BACH2: variants seen among roughly 807,000 people sequenced by gnomAD.
BACH2 encodes the protein transcription regulator protein BACH2.
In BACH2, 5 loss-of-function variants were observed where a neutral mutation model predicts 61.8. The observed-to-expected ratio is 0.08, with a 90% CI of 0.04 to 0.17. BACH2 has a LOEUF of 0.17. Among genes scored for constraint, BACH2 ranks in the 10% least tolerant of loss-of-function variants. The pLI, the probability that BACH2 is intolerant of heterozygous loss-of-function variation, is 1.00. For missense variants in BACH2, 824 were observed against 1,091.1 expected (o/e 0.76, Z 3.45); for synonymous variants, 446 against 440.1 (o/e 1.01, Z -0.17).
At chr6:90,220,469 C>T (rs1769702197) in intron 3 of BACH2, among the ~76,000 whole-genome samples, 1 of 152,184 alleles carries the variant, frequency 6.6e-6, no homozygotes, top group African/African-American at 2.4e-5. Flanking sequence ...GAGGATTTGT[C>T]AGGGGAGGAC....
At position 90,101,422 on chromosome 6, in the gene BACH2, A is replaced by AT. The variant is rs570404781; in HGVS notation, c.-161-12314_-161-12313insA. Reference sequence around the variant, plus strand: ...TTGAGTTAATTTTTGTATATGGTGTAAGGTATAAGTCCAAGTTCATTCTTC... The same window carrying AT: ...TTGAGTTAATTTTTGTATATGGTGTATAGGTATAAGTCCAAGTTCATTCTTC... On this transcript the variant is annotated intron_variant, in intron 4 of 8. Coordinates refer to ENST00000257749, the MANE Select transcript of BACH2 (RefSeq NM_021813.4). Among the ~76,000 whole-genome samples, 15 of 152,282 alleles carry AT rather than the reference A, an allele frequency of 9.9e-5. No individual in the cohort carries two copies. In the East Asian group the frequency reaches 2.7e-3, roughly 27 times the overall value.
chr6:89,953,490 G>A (rs1009586905), intron 6 of BACH2, among the ~76,000 whole-genome samples: 1 of 152,074 alleles, frequency 6.6e-6, no homozygotes, highest in Non-Finnish European at 1.5e-5. Context: ...AAAACAAAAA[G>A]CCATGACTGC....
chr6:89,945,589 C>T (rs1490011580), intron 7 of BACH2, among the ~76,000 whole-genome samples: 2 of 152,046 alleles, frequency 1.3e-5, no homozygotes, highest in Non-Finnish European at 2.9e-5. Context: ...TACAGCATTT[C>T]CTTTTAGGGT....
At position 89,950,389 on chromosome 6, in the gene BACH2, T is replaced by G; in HGVS notation, c.1717A>C (p.Asn573His). 1 of 1,614,150 alleles carries G rather than the reference T, an allele frequency of 6.2e-7. No homozygotes were observed. The highest frequency in any genetic ancestry group is 8.5e-7 in the Non-Finnish European group (1 of 1,180,028). ...CATTTAATTTGGGGCCGCACTTGGT[T>G]GTACATTCCATCTCCCATCAGGCCT... ...EPGLMGDGMY[N>H]QVRPQIKCEQ... Residue 573 changes from asparagine to histidine, a missense_variant, in exon 7 of 9, where the codon AAC (asparagine) becomes CAC (histidine). This residue lies in a region of BACH2 where 160 missense variants were observed against 283.5 expected (regional missense o/e 0.56). Transcript: ENST00000257749. The surrounding 1 kb of genome is among the most constrained non-coding windows in gnomAD (Gnocchi z 5.3).
At chr6:90,206,501 T>C (rs1213214255) in intron 4 of BACH2, 68 bp downstream of exon 4, 1 of 152,310 alleles carries the variant, frequency 6.6e-6, no homozygotes, top group Non-Finnish European at 1.5e-5. Flanking sequence ...TGGAAAGACA[T>C]ATGTACTCCA....
intron 4 of BACH2, among the ~76,000 whole-genome samples, chr6:90,100,931 C>A (rs952431284): frequency 6.6e-6 from 1 of 152,166 alleles, no homozygotes; most frequent in Non-Finnish European, 1.5e-5. Flanking sequence ...GTCTTTTAGA[C>A]TTTAACCATC....
chr6:89,957,391 A>G (rs1336481613), intron 6 of BACH2, among the ~76,000 whole-genome samples: 2 of 152,174 alleles, frequency 1.3e-5, no homozygotes, highest in South Asian at 2.1e-4. Flanking sequence ...TTTTAGTATT[A>G]ATTTTTATTT....
intron 2 of BACH2, among the ~76,000 whole-genome samples, chr6:90,267,666 C>T (rs980683542): frequency 4.6e-5 from 7 of 152,064 alleles, no homozygotes; most frequent in Admixed American, 3.9e-4. Flanking sequence ...ATTGAATAAA[C>T]TATGGTACAA....
intron 4 of BACH2, among the ~76,000 whole-genome samples, chr6:90,151,420 T>C (rs1394262888): frequency 6.6e-6 from 1 of 152,110 alleles, no homozygotes; most frequent in African/African-American, 2.4e-5. Context: ...GAGTAGCTTG[T>C]ACTGCAGGCA....
At chr6:89,990,014 G>T (rs1776458210) in intron 6 of BACH2, among the ~76,000 whole-genome samples, 1 of 152,130 alleles carries the variant, frequency 6.6e-6, no homozygotes, top group South Asian at 2.1e-4. Flanking sequence ...GGGATCACTG[G>T]CAAAAAATGT....
intron 3 of BACH2, among the ~76,000 whole-genome samples, chr6:90,251,354 G>T (rs915081461): frequency 1.3e-5 from 2 of 152,070 alleles, no homozygotes; most frequent in African/African-American, 4.8e-5. Context: ...CGTTCAGGGT[G>T]GTGTGGCCAT....
chr6:90,215,358 C>G (rs993818730), intron 3 of BACH2, among the ~76,000 whole-genome samples: 1 of 152,124 alleles, frequency 6.6e-6, no homozygotes, highest in Admixed American at 6.5e-5. Context: ...CTTCTTGCCC[C>G]CCTTTCACAA....
At chr6:90,102,839 T>TAATAATA (rs751278080) in intron 4 of BACH2, among the ~76,000 whole-genome samples, 10 of 122,218 alleles carry the variant, frequency 8.2e-5, no homozygotes, top group Middle Eastern at 4.3e-3. Context: ...ATAATAATAA[T>TAATAATA]AAAAATAAAA....
chr6:90,054,532 C>G (rs1780224432), intron 5 of BACH2, among the ~76,000 whole-genome samples: 4 of 152,350 alleles, frequency 2.6e-5, no homozygotes, highest in Middle Eastern at 6.8e-3. Context: ...CCTCTGTAGG[C>G]TCCACCTCTG....
chr6:90,000,214 C>T (rs1469467404), intron 6 of BACH2, among the ~76,000 whole-genome samples: 1 of 152,208 alleles, frequency 6.6e-6, no homozygotes, highest in Non-Finnish European at 1.5e-5. Flanking sequence ...TTCTGTGGCG[C>T]TGCCTTACCG....
intron 5 of BACH2, among the ~76,000 whole-genome samples, chr6:90,057,774 C>G (rs1449535834): frequency 1.3e-5 from 2 of 152,176 alleles, no homozygotes. Flanking sequence ...AGCTTATCCA[C>G]CATGATCAAG....
intron 4 of BACH2, among the ~76,000 whole-genome samples, chr6:90,091,685 T>C: frequency 6.6e-6 from 1 of 152,184 alleles, no homozygotes; most frequent in Non-Finnish European, 1.5e-5. Context: ...ATGTATAAAC[T>C]CAAATTTCTG....
intron 5 of BACH2, among the ~76,000 whole-genome samples, chr6:90,065,418 G>T (rs1173862040): frequency 6.6e-6 from 1 of 151,696 alleles, no homozygotes; most frequent in South Asian, 2.1e-4. Context: ...CCTAGAATGG[G>T]GGGTAACAAC....
chr6:89,961,088 C>T (rs1185755509), intron 6 of BACH2, among the ~76,000 whole-genome samples: 4 of 152,120 alleles, frequency 2.6e-5, no homozygotes, highest in Non-Finnish European at 5.9e-5. Flanking sequence ...TTTTCCCATT[C>T]AGGTATAGAT....
Sources: gnomAD v4.1 joint callset for allele counts (sites outside exome capture counted in the v4.1 genomes callset) on GRCh38, gnomAD v4.1.1 for gene constraint, gnomAD v4.1.1 regional missense constraint, Gnocchi (gnomAD v3.1) non-coding constraint, MANE v1.5 for transcripts, NCBI Gene and HGNC (gene_info 2026-07-23, HGNC 2026-07-21) for gene names.